Variants in FRMD4A observed in about 807,000 individuals in gnomAD.
FRMD4A encodes the protein FERM domain containing 4A, also known as FERM domain-containing protein 4A.
Under a neutral mutation model 129.1 loss-of-function variants are expected in FRMD4A, and 29 were observed. That is an observed-to-expected ratio of 0.22 (90% confidence interval 0.17 to 0.31). The LOEUF is 0.31. Ranked by LOEUF, FRMD4A falls within the 10% of genes least tolerant of loss-of-function variation. The pLI, the probability that FRMD4A is intolerant of heterozygous loss-of-function variation, is 1.00. For synonymous variants in FRMD4A, 634 were observed against 571.6 expected (o/e 1.11, Z -1.56); for missense variants, 1,272 against 1,375.8 (o/e 0.92, Z 1.19).
At chr10:14,273,714 A>C (rs1195425468) in intron 2 of FRMD4A, among the ~76,000 whole-genome samples, 1 of 152,158 alleles carries the variant, frequency 6.6e-6, no homozygotes, top group Non-Finnish European at 1.5e-5. Context: ...TGGTCAATGG[A>C]GTCTCCAGGG....
At chr10:13,653,110 G>A (rs544072241) in intron 23 of FRMD4A, 1 of 152,006 alleles carries the variant, frequency 6.6e-6, no homozygotes, top group East Asian at 1.9e-4. Context: ...ATGTGTGTTA[G>A]AAGCTGCTCG....
At chr10:13,870,536 G>A (rs1013267596) in intron 2 of FRMD4A, among the ~76,000 whole-genome samples, 3 of 152,214 alleles carry the variant, frequency 2.0e-5, no homozygotes, top group African/African-American at 4.8e-5. Context: ...CATTCAGCCC[G>A]GTGCTGGGGA....
intron 4 of FRMD4A, among the ~76,000 whole-genome samples, chr10:13,809,341 C>T (rs1000948000): frequency 2.6e-5 from 4 of 152,074 alleles, no homozygotes; most frequent in African/African-American, 9.7e-5. Flanking sequence ...AGTAAACTTA[C>T]GTGGGAAATG....
At chr10:14,089,488 C>T (rs1246672726) in intron 2 of FRMD4A, among the ~76,000 whole-genome samples, 1 of 152,058 alleles carries the variant, frequency 6.6e-6, no homozygotes, top group Non-Finnish European at 1.5e-5. Context: ...AGGGCCAGCC[C>T]GTTCTATGTT....
chr10:14,316,217 A>T (rs1269671490), intron 2 of FRMD4A, among the ~76,000 whole-genome samples: 1 of 152,208 alleles, frequency 6.6e-6, no homozygotes, highest in Admixed American at 6.5e-5. Flanking sequence ...TCCAAAACTC[A>T]TGTTAACATT....
intron 2 of FRMD4A, among the ~76,000 whole-genome samples, chr10:14,263,941 C>T (rs1173355833): frequency 6.6e-6 from 1 of 152,158 alleles, no homozygotes; most frequent in Non-Finnish European, 1.5e-5. Flanking sequence ...AGGAAGTAGC[C>T]AGTGGAAGCA....
intron 2 of FRMD4A, among the ~76,000 whole-genome samples, chr10:14,180,221 T>C (rs953844196): frequency 3.9e-5 from 6 of 152,232 alleles, no homozygotes; most frequent in Admixed American, 1.3e-4. Context: ...TTCAGTGTCA[T>C]CTCACTTAAT....
At chr10:13,795,749 G>T (rs1012525808) in intron 5 of FRMD4A, among the ~76,000 whole-genome samples, 2 of 152,100 alleles carry the variant, frequency 1.3e-5, no homozygotes, top group African/African-American at 4.8e-5. Context: ...GCTGGACTGG[G>T]GGCTCAGATT....
intron 15 of FRMD4A, among the ~76,000 whole-genome samples, chr10:13,688,168 G>A (rs1282070987): frequency 2.0e-5 from 3 of 152,126 alleles, no homozygotes; most frequent in Non-Finnish European, 4.4e-5. Context: ...CGATAGACTG[G>A]ATTAAGAAAA....
At chr10:14,170,656 G>C (rs1327908913) in intron 2 of FRMD4A, among the ~76,000 whole-genome samples, 1 of 152,146 alleles carries the variant, frequency 6.6e-6, no homozygotes, top group African/African-American at 2.4e-5. Context: ...CTTTTTAAAA[G>C]TTACAACTAT....
chr10:14,265,225 C>A (rs925281343), intron 2 of FRMD4A, among the ~76,000 whole-genome samples: 4 of 152,162 alleles, frequency 2.6e-5, no homozygotes, highest in Non-Finnish European at 5.9e-5. Context: ...ATAGGACAAC[C>A]TAGAGTGTCA....
intron 8 of FRMD4A, among the ~76,000 whole-genome samples, chr10:13,749,181 C>A (rs2091443458): frequency 6.6e-6 from 1 of 152,168 alleles, no homozygotes; most frequent in Admixed American, 6.5e-5. Context: ...GCCTTGGAAG[C>A]CTTAGCCGGG....
At chr10:14,081,561 T>C (rs921546858) in intron 2 of FRMD4A, among the ~76,000 whole-genome samples, 14 of 152,280 alleles carry the variant, frequency 9.2e-5, no homozygotes, top group Middle Eastern at 3.4e-3. Context: ...CAATTGAAGA[T>C]AAAAATAAGT....
At chr10:13,780,113 G>C (rs1056804871) in intron 6 of FRMD4A, among the ~76,000 whole-genome samples, 5 of 152,144 alleles carry the variant, frequency 3.3e-5, no homozygotes, top group African/African-American at 1.2e-4. Flanking sequence ...ATCAACTTGA[G>C]GTCAGGAGTT....
chr10:14,072,313 C>A (rs1295554702), intron 2 of FRMD4A, among the ~76,000 whole-genome samples: 1 of 152,044 alleles, frequency 6.6e-6, no homozygotes. Context: ...TAGATAATAT[C>A]CTCAAAAAGC....
chr10:14,122,561 G>T (rs1017223888), intron 2 of FRMD4A, among the ~76,000 whole-genome samples: 1 of 150,932 alleles, frequency 6.6e-6, no homozygotes, highest in East Asian at 1.9e-4. Flanking sequence ...AATGTGAAGC[G>T]GGGAGCAGGC....
Position 13,707,044 on chromosome 10 carries a change from G to T in FRMD4A, c.829C>A (p.Pro277Thr). 1.3e-6 allele frequency: 2 copies of T among 1,558,694 alleles called. No homozygotes were observed. The highest frequency in any genetic ancestry group is 2.2e-5 in the South Asian group (2 of 89,902). Residue 277 changes from proline (P) to threonine (T), a missense_variant, in exon 13 of 25, where the codon CCA (proline) becomes ACA (threonine). Coordinates refer to ENST00000357447, the MANE Select transcript of FRMD4A (RefSeq NM_018027.5). ...AGGACTTTTCAAGCTTACCTGCGTG[G>T]GTCATGAACTTCCACGGAAAACTTC... ...EKKFSVEVHD[P>T]RRASVTRRTF... is the part of the protein sequence containing the mutation.
chr10:14,010,387 G>T (rs1308791331), intron 2 of FRMD4A, among the ~76,000 whole-genome samples: 1 of 152,112 alleles, frequency 6.6e-6, no homozygotes, highest in Non-Finnish European at 1.5e-5. Flanking sequence ...GAATGTTAAT[G>T]GTAACAAAAA....
At chr10:13,825,561 T>A (rs1445888223) in intron 3 of FRMD4A, among the ~76,000 whole-genome samples, 1 of 152,204 alleles carries the variant, frequency 6.6e-6, no homozygotes, top group Non-Finnish European at 1.5e-5. Context: ...CCTGAAACCA[T>A]CCTTGCCCCT....
Sources: allele counts gnomAD v4.1 joint callset (sites outside exome capture counted in the v4.1 genomes callset), GRCh38; gene constraint gnomAD v4.1.1; transcripts MANE v1.5; gene names NCBI Gene and HGNC (gene_info 2026-07-23, HGNC 2026-07-21).